The following KCNJ3 variants were observed in gnomAD, a reference collection of about 807,000 sequenced individuals.
KCNJ3 encodes the protein potassium inwardly rectifying channel subfamily J member 3.
In KCNJ3, 4 loss-of-function variants were observed where a neutral mutation model predicts 39.2. That is an observed-to-expected ratio of 0.10 (90% confidence interval 0.05 to 0.23). The LOEUF (loss-of-function observed/expected upper bound fraction) is 0.23. Ranked by LOEUF, KCNJ3 falls within the 10% of genes least tolerant of loss-of-function variation. KCNJ3 has a pLI of 1.00. For missense variants in KCNJ3, 276 were observed against 634.9 expected, an observed-to-expected ratio of 0.43 and a Z score of 6.08; for synonymous variants, 230 against 237.4, an observed-to-expected ratio of 0.97 and a Z score of 0.29.
In KCNJ3 at chr2:154,855,363, A is replaced by G. The variant is rs779576318; in HGVS notation, c.*50A>G. The G allele has an allele frequency of 2.4e-6, 3 of 1,226,652 alleles. No individual in the cohort carries two copies. In the Admixed American group the frequency reaches 8.1e-5, roughly 33 times the overall value. 76.0% of individuals were successfully genotyped at this position (1,226,652 alleles called of 1,614,324 possible). On this transcript the variant is annotated 3_prime_UTR_variant, in exon 3 of 3. Transcript: ENST00000295101. Reference sequence around the variant, plus strand: ...TAATGTTTGATTTAGTAATAGTCCAATATTTGGCGATGAGGTAATTCTCCC... The same window carrying G: ...TAATGTTTGATTTAGTAATAGTCCAGTATTTGGCGATGAGGTAATTCTCCC...
At chr2:154,825,052 T>C (rs2105113468) in intron 2 of KCNJ3, among the ~76,000 whole-genome samples, 1 of 152,360 alleles carries the variant, frequency 6.6e-6, no homozygotes, top group East Asian at 1.9e-4. Flanking sequence ...CCCTTCCTTT[T>C]TAATAGTCTG....
intron 2 of KCNJ3, among the ~76,000 whole-genome samples, chr2:154,834,966 A>G (rs1055599199): frequency 1.3e-5 from 2 of 151,810 alleles, no homozygotes; most frequent in Non-Finnish European, 2.9e-5. Flanking sequence ...AATAATTAGA[A>G]CCAAATGTTG....
chr2:154,775,815 G>T (rs567179489), intron 2 of KCNJ3, among the ~76,000 whole-genome samples: 1 of 152,156 alleles, frequency 6.6e-6, no homozygotes, highest in Non-Finnish European at 1.5e-5. Context: ...GACAACTTTG[G>T]GAAGATATAA....
rs749867945 is a variant in KCNJ3 at position 154,699,097 on chromosome 2, A to G, written c.322A>G (p.Thr108Ala). 58 of 1,613,974 alleles carry G rather than the reference A, an allele frequency of 3.6e-5. No individual in the cohort carries two copies. The highest frequency in any genetic ancestry group is 4.7e-5 in the Non-Finnish European group (55 of 1,180,034). The change falls in exon 1 of 3, where the codon ACT becomes GCT. Residue 108 changes from threonine to alanine, a missense_variant. Transcript: ENST00000295101. The surrounding 1 kb of genome is among the most constrained non-coding windows in gnomAD (Gnocchi z 6.4). The stretch of plus-strand genomic sequence containing the variant: ...GTCCATGTGGTGGGTGATCGCCTAC[A>G]CTCGGGGCGACCTGAACAAAGCCCA... ...MASMWWVIAY[T>A]RGDLNKAHVG...
At chr2:154,819,718 A>G (rs1406596563) in intron 2 of KCNJ3, among the ~76,000 whole-genome samples, 1 of 151,746 alleles carries the variant, frequency 6.6e-6, no homozygotes, top group Non-Finnish European at 1.5e-5. Flanking sequence ...TTTAGTAGAG[A>G]TGGGGTTGCA....
chr2:154,782,567 G>T (rs1468192738), intron 2 of KCNJ3, among the ~76,000 whole-genome samples: 3 of 151,642 alleles, frequency 2.0e-5, no homozygotes, highest in Non-Finnish European at 4.4e-5. Flanking sequence ...CATCCAACAT[G>T]CATTTTATAG....
At chr2:154,820,268 T>G (rs912582748) in intron 2 of KCNJ3, among the ~76,000 whole-genome samples, 1 of 152,198 alleles carries the variant, frequency 6.6e-6, no homozygotes, top group Non-Finnish European at 1.5e-5. Flanking sequence ...TTGAAGAAAC[T>G]GAAACAATTG....
intron 2 of KCNJ3, among the ~76,000 whole-genome samples, chr2:154,731,038 C>T (rs1457207520): frequency 6.6e-6 from 1 of 151,990 alleles, no homozygotes; most frequent in Non-Finnish European, 1.5e-5. Context: ...ACAGAAGGAT[C>T]ATTTAGAGAA....
intron 2 of KCNJ3, among the ~76,000 whole-genome samples, chr2:154,826,560 A>G (rs932956850): frequency 5.3e-5 from 8 of 152,220 alleles, no homozygotes; most frequent in African/African-American, 1.9e-4. Flanking sequence ...CATTAAAATA[A>G]GCTTTGCAGA....
At chr2:154,754,572 G>A (rs1386722597) in intron 2 of KCNJ3, among the ~76,000 whole-genome samples, 1 of 152,186 alleles carries the variant, frequency 6.6e-6, no homozygotes, top group African/African-American at 2.4e-5. Flanking sequence ...ACCGCACCCG[G>A]CTGTAAACAT....
At chr2:154,742,694 T>G (rs1022952320) in intron 2 of KCNJ3, among the ~76,000 whole-genome samples, 1 of 151,876 alleles carries the variant, frequency 6.6e-6, no homozygotes, top group Non-Finnish European at 1.5e-5. Context: ...TCTATTCAAG[T>G]TCTTTGCTCA....
chr2:154,845,819 A>AAATT (rs1199889789), intron 2 of KCNJ3, among the ~76,000 whole-genome samples: 1 of 152,082 alleles, frequency 6.6e-6, no homozygotes, highest in African/African-American at 2.4e-5. Context: ...GAAAATACAA[A>AAATT]AATTAACTGG....
At chr2:154,835,358 T>G (rs893520495) in intron 2 of KCNJ3, among the ~76,000 whole-genome samples, 7 of 151,204 alleles carry the variant, frequency 4.6e-5, no homozygotes, top group Non-Finnish European at 1.0e-4. Flanking sequence ...TGTTTACTAT[T>G]CAAAAAGTAA....
intron 2 of KCNJ3, among the ~76,000 whole-genome samples, chr2:154,782,329 G>A (rs558347824): frequency 6.6e-6 from 1 of 152,244 alleles, no homozygotes; most frequent in South Asian, 2.1e-4. Context: ...ACGGGGTGTT[G>A]AAAGGATTAA....
At chr2:154,811,766 A>G (rs566338492) in intron 2 of KCNJ3, among the ~76,000 whole-genome samples, 3 of 152,306 alleles carry the variant, frequency 2.0e-5, no homozygotes, top group East Asian at 1.9e-4. Context: ...TTTTTCAGCC[A>G]TCTTAGGGAA....
At chr2:154,819,508 A>G (rs1687134223) in intron 2 of KCNJ3, among the ~76,000 whole-genome samples, 1 of 151,960 alleles carries the variant, frequency 6.6e-6, no homozygotes, top group African/African-American at 2.4e-5. Flanking sequence ...TCTAAACACA[A>G]TAACATTTTA....
chr2:154,721,766 G>A (rs893596515), intron 2 of KCNJ3, among the ~76,000 whole-genome samples: 16 of 152,182 alleles, frequency 1.1e-4, no homozygotes, highest in Middle Eastern at 3.4e-3. Flanking sequence ...TGATAATCTA[G>A]TTAAAACCCT....
At chr2:154,781,190 A>G (rs1334098687) in intron 2 of KCNJ3, among the ~76,000 whole-genome samples, 1 of 152,234 alleles carries the variant, frequency 6.6e-6, no homozygotes, top group East Asian at 1.9e-4. Flanking sequence ...GAAAGAATGC[A>G]GCCCGGCCAG....
intron 2 of KCNJ3, among the ~76,000 whole-genome samples, chr2:154,739,626 G>A (rs578155402): frequency 6.6e-6 from 1 of 152,102 alleles, no homozygotes; most frequent in African/African-American, 2.4e-5. Context: ...AACAACTCAA[G>A]CATACATCTG....
Sources: gnomAD v4.1 joint callset for allele counts (sites outside exome capture counted in the v4.1 genomes callset) on GRCh38, gnomAD v4.1.1 for gene constraint, Gnocchi (gnomAD v3.1) non-coding constraint, MANE v1.5 for transcripts, NCBI Gene and HGNC (gene_info 2026-07-23, HGNC 2026-07-21) for gene names.